FOXN3: variants seen among roughly 807,000 people sequenced by gnomAD.
FOXN3 encodes the protein forkhead box protein N3.
A neutral mutation model predicts 38.4 loss-of-function variants in FOXN3; 7 were observed. That is an observed-to-expected ratio of 0.18 (90% CI 0.10 to 0.34). The LOEUF (loss-of-function observed/expected upper bound fraction) is 0.34, where lower values mean the gene tolerates loss of function less well. Among genes scored for constraint, FOXN3 ranks in the 10% least tolerant of loss-of-function variants. The probability of loss-of-function intolerance (pLI) is 1.00; values close to 1 mark genes in which losing one functional copy is unlikely to be tolerated. For missense variants in FOXN3, 456 were observed against 613.4 expected (o/e 0.74, Z 2.71); for synonymous variants, 230 against 242.2 (o/e 0.95, Z 0.47).
chr14:89,268,040 CAT>C (rs777923593), intron 4 of FOXN3, among the ~76,000 whole-genome samples: 29 of 152,284 alleles, frequency 1.9e-4, no homozygotes, highest in Non-Finnish European at 3.8e-4. Flanking sequence ...TACACACACA[CAT>C]GCTCATCACA....
chr14:89,482,666 T>C (rs1282316434), intron 1 of FOXN3, among the ~76,000 whole-genome samples: 1 of 151,608 alleles, frequency 6.6e-6, no homozygotes. Context: ...CCCAGCACTT[T>C]GGGAGGCTGA....
chr14:89,377,455 T>A (rs1890519755), intron 2 of FOXN3, among the ~76,000 whole-genome samples: 1 of 152,212 alleles, frequency 6.6e-6, no homozygotes, highest in African/African-American at 2.4e-5. Context: ...TAGAAAAGGA[T>A]GTCTTTGTTC....
chr14:89,230,116 T>C (rs1274626036), intron 4 of FOXN3, among the ~76,000 whole-genome samples: 5 of 152,240 alleles, frequency 3.3e-5, no homozygotes, highest in Admixed American at 6.5e-5. Context: ...GGTATCTCCA[T>C]AGGAAACCAG....
chr14:89,168,281 G>C (rs1887293822), intron 5 of FOXN3, among the ~76,000 whole-genome samples: 1 of 152,092 alleles, frequency 6.6e-6, no homozygotes, highest in East Asian at 1.9e-4. Flanking sequence ...AGGAAGATCA[G>C]GCTATATTGG....
At chr14:89,461,119 G>A in intron 1 of FOXN3, among the ~76,000 whole-genome samples, 1 of 151,900 alleles carries the variant, frequency 6.6e-6, no homozygotes, top group East Asian at 1.9e-4. Flanking sequence ...GGATCACGAG[G>A]TCAAGAAATC....
chr14:89,334,276 G>A (rs1045782592), intron 3 of FOXN3, among the ~76,000 whole-genome samples: 19 of 151,406 alleles, frequency 1.3e-4, no homozygotes, highest in Admixed American at 2.6e-4. Context: ...TGGGGGAAAC[G>A]AGATGATGTT....
At chr14:89,308,491 G>GT (rs1887441513) in intron 3 of FOXN3, among the ~76,000 whole-genome samples, 1 of 152,174 alleles carries the variant, frequency 6.6e-6, no homozygotes, top group African/African-American at 2.4e-5. Flanking sequence ...GCTGTACCTG[G>GT]GGAAAGGTGT....
At chr14:89,365,248 C>T (rs989837501) in intron 2 of FOXN3, among the ~76,000 whole-genome samples, 5 of 151,902 alleles carry the variant, frequency 3.3e-5, no homozygotes, top group Admixed American at 1.3e-4. Context: ...TGTCACCTCC[C>T]GAGGCTGACA....
chr14:89,528,739 A>T (rs1230108255), intron 1 of FOXN3, among the ~76,000 whole-genome samples: 1 of 151,808 alleles, frequency 6.6e-6, no homozygotes, highest in Non-Finnish European at 1.5e-5. Context: ...GATCCTGGAC[A>T]CACACACACA....
chr14:89,526,636 A>G (rs1051537541), intron 1 of FOXN3, among the ~76,000 whole-genome samples: 62 of 152,332 alleles, frequency 4.1e-4, no homozygotes, highest in African/African-American at 1.5e-3. Flanking sequence ...TACTATGTTC[A>G]TGGAAGATTC....
At chr14:89,240,927 C>T (rs117935870) in intron 4 of FOXN3, among the ~76,000 whole-genome samples, 1 of 152,352 alleles carries the variant, frequency 6.6e-6, no homozygotes, top group Non-Finnish European at 1.5e-5. Flanking sequence ...TCCACTGCAG[C>T]AGCATGTGTA....
chr14:89,157,579 T>C lies in FOXN3; in HGVS notation c.*4835A>G, dbSNP rs1887009124. 6.6e-6 allele frequency: 1 copy of C among 152,652 alleles called. No individual in the cohort carries two copies. 9.5% of individuals were successfully genotyped at this position (152,652 alleles called of 1,614,324 possible). The stretch of plus-strand genomic sequence containing the variant: ...AGAAACAGGAACACCACACAATGTA[T>C]ATACTTTGATTTACACATTCCGTTA... On this transcript the variant is annotated 3_prime_UTR_variant, in exon 6 of 6. Transcript: ENST00000557258.
chr14:89,468,344 C>T (rs1893023900), intron 1 of FOXN3, among the ~76,000 whole-genome samples: 1 of 152,034 alleles, frequency 6.6e-6, no homozygotes, highest in African/African-American at 2.4e-5. Context: ...GTCCCAGCTA[C>T]TTGGGAGGCT....
intron 4 of FOXN3, among the ~76,000 whole-genome samples, chr14:89,209,576 T>G (rs962721642): frequency 3.9e-5 from 6 of 152,208 alleles, no homozygotes; most frequent in African/African-American, 1.4e-4. Flanking sequence ...AGAAATACAG[T>G]TTTTACCAAT....
chr14:89,365,809 C>G (rs888034241), intron 2 of FOXN3, among the ~76,000 whole-genome samples: 1 of 152,158 alleles, frequency 6.6e-6, no homozygotes, highest in African/African-American at 2.4e-5. Context: ...CTCAAATGAA[C>G]TCAATATATT....
intron 4 of FOXN3, among the ~76,000 whole-genome samples, chr14:89,274,919 C>T (rs1000924183): frequency 3.9e-5 from 6 of 152,172 alleles, no homozygotes; most frequent in African/African-American, 1.2e-4. Context: ...GCCAGGAAGG[C>T]GAAGAGTGCA....
intron 1 of FOXN3, among the ~76,000 whole-genome samples, chr14:89,527,572 T>A (rs1012959084): frequency 6.6e-6 from 1 of 152,110 alleles, no homozygotes; most frequent in Non-Finnish European, 1.5e-5. Flanking sequence ...AAGACCTGAA[T>A]AGGAACTTTA....
At chr14:89,392,583 C>A (rs1465789165) in intron 2 of FOXN3, among the ~76,000 whole-genome samples, 1 of 151,888 alleles carries the variant, frequency 6.6e-6, no homozygotes, top group Non-Finnish European at 1.5e-5. Context: ...TCACTCCAAC[C>A]CCTGCCCTCA....
chr14:89,502,237 A>G (rs1893816926), intron 1 of FOXN3, among the ~76,000 whole-genome samples: 1 of 152,248 alleles, frequency 6.6e-6, no homozygotes, highest in African/African-American at 2.4e-5. Context: ...CAAAATTTAC[A>G]AACATGCATG....
Sources: gnomAD v4.1 joint callset for allele counts (sites outside exome capture counted in the v4.1 genomes callset) on GRCh38, gnomAD v4.1.1 for gene constraint, MANE v1.5 for transcripts, NCBI Gene and HGNC (gene_info 2026-07-23, HGNC 2026-07-21) for gene names.